Variants in NCAPD3 observed in about 807,000 individuals in gnomAD.
NCAPD3 encodes the protein condensin-2 complex subunit D3.
NCAPD3 carries 105 observed loss-of-function variants against 182.9 expected under a neutral mutation model. That is an observed-to-expected ratio of 0.57 (90% CI 0.49 to 0.68). NCAPD3 has a LOEUF of 0.68. Ranked by LOEUF, NCAPD3 falls within the 30% of genes least tolerant of loss-of-function variation. The pLI is 0.00. For missense variants in NCAPD3, 1,944 were observed against 1,837.0 expected (o/e 1.06, Z -1.07); for synonymous variants, 815 against 679.9 (o/e 1.20, Z -3.09).
intron 27 of NCAPD3, among the ~76,000 whole-genome samples, chr11:134,163,339 C>G (rs943179062): frequency 6.6e-6 from 1 of 152,124 alleles, no homozygotes; most frequent in Non-Finnish European, 1.5e-5. Context: ...AGCTTCCTGC[C>G]ACCCCTCACA....
rs769304769 is a variant in NCAPD3, at chr11:134,158,471, G to A, written c.3892C>T (p.Pro1298Ser). 21 of 1,613,962 alleles carry A rather than the reference G, an allele frequency of 1.3e-5. No individual in the cohort carries two copies. Among genetic ancestry groups the A allele is most frequent in the Non-Finnish European group, 1.8e-5 (21 of 1,180,004 alleles). The part of the protein sequence containing the change: ...AQVALCLETV[P>S]VPAGQENPAM... ...GGGTTTTCTTGGCCAGCAGGAACTG[G>A]CACTGTTTCTAAACACAGGGCAACC... is the stretch of plus-strand genomic sequence containing the variant. The change falls in exon 30 of 35, where the codon CCA (proline) becomes TCA (serine). Residue 1298 changes from proline (P) to serine (S), a missense_variant. This residue lies in a region of NCAPD3 where 1,803 missense variants were observed against 1,674.6 expected (regional missense o/e 1.08). Transcript: ENST00000534548.
chr11:134,158,130 T>A, intron 30 of NCAPD3, 63 bp from the exon 31 acceptor site: 2 of 1,576,472 alleles, frequency 1.3e-6, no homozygotes, highest in African/African-American at 1.3e-5. Flanking sequence ...GTGACAGTGC[T>A]GCACTGTGTC....
chr11:134,185,249 C>T, intron 17 of NCAPD3, 86 bp downstream of exon 17: 3 of 1,213,686 alleles, frequency 2.5e-6, no homozygotes, highest in Non-Finnish European at 3.4e-6. Flanking sequence ...ATATGAATAG[C>T]TATGAAAAAG....
At chr11:134,176,436 C>G in intron 23 of NCAPD3, 50 bp from the exon 24 acceptor site, 1 of 1,513,394 alleles carries the variant, frequency 6.6e-7, no homozygotes, top group Non-Finnish European at 9.2e-7. Context: ...CATGGGCAAG[C>G]CTCACTGTTC....
Position 134,182,406 on chromosome 11 carries a change from C to A in NCAPD3, c.2452-1222G>T, listed in dbSNP as rs1437984374. Among the ~76,000 whole-genome samples, 5 of 152,180 alleles carry A rather than the reference C, an allele frequency of 3.3e-5. No homozygotes were observed. In the East Asian group the frequency reaches 7.7e-4, roughly 23 times the overall value. ...GTTGTCTGGGAATACCAAATAAATC[C>A]AATTCTTTTATCTGAAAGTCCTTCA... On this transcript the variant is annotated intron_variant, in intron 19 of 34. Coordinates refer to ENST00000534548, the MANE Select transcript of NCAPD3 (RefSeq NM_015261.3).
chr11:134,184,978 T>C lies in NCAPD3; in HGVS notation c.2260A>G (p.Thr754Ala). 6.2e-7 allele frequency: 1 copy of C among 1,613,466 alleles called. No individual in the cohort carries two copies. The highest frequency in any genetic ancestry group is 8.5e-7 in the Non-Finnish European group (1 of 1,179,570). Residue 754 changes from threonine (T) to alanine (A), a missense_variant, in exon 18 of 35, where the codon ACC (threonine) becomes GCC (alanine). By Grantham distance (58) the Thr-to-Ala change is moderately conservative (BLOSUM62 0). Transcript: ENST00000534548. ...ATCACACAGAGAATATGTCCTAAGG[T>C]GTTTGAATTGGGATTCTGCTGACTA... ...ISSQQNPNSNTLGHILCVIGH... is the reference protein window; with the variant it reads ...ISSQQNPNSNALGHILCVIGH...
intron 2 of NCAPD3, among the ~76,000 whole-genome samples, chr11:134,217,773 A>G (rs1268984659): frequency 6.6e-6 from 1 of 152,162 alleles, no homozygotes; most frequent in Non-Finnish European, 1.5e-5. Context: ...TGAGCAGAGC[A>G]CTCTCCTTTC....
intron 19 of NCAPD3, among the ~76,000 whole-genome samples, chr11:134,182,463 C>T (rs752989268): frequency 2.0e-5 from 3 of 152,214 alleles, no homozygotes; most frequent in Admixed American, 2.0e-4. Context: ...AGCCTACCGT[C>T]CCCAACCCTT....
At chr11:134,219,007 C>A (rs1204598533) in intron 2 of NCAPD3, among the ~76,000 whole-genome samples, 1 of 152,176 alleles carries the variant, frequency 6.6e-6, no homozygotes, top group Non-Finnish European at 1.5e-5. Context: ...TAGAACAAAA[C>A]CTCATACACA....
At chr11:134,195,904 A>G (rs1944617669) in intron 13 of NCAPD3, among the ~76,000 whole-genome samples, 1 of 152,216 alleles carries the variant, frequency 6.6e-6, no homozygotes, top group Admixed American at 6.5e-5. Flanking sequence ...TGAGGAAATC[A>G]GAGTGTGGAA....
At chr11:134,224,660 C>CT (rs2136041412), upstream of NCAPD3, 1 of 152,388 alleles carries the variant, frequency 6.6e-6, no homozygotes, top group South Asian at 2.1e-4. Flanking sequence ...CGCCCGCCCC[C>CT]TCCCCCGCCC....
chr11:134,180,048 G>C (rs1288249536), intron 20 of NCAPD3, among the ~76,000 whole-genome samples: 1 of 151,836 alleles, frequency 6.6e-6, no homozygotes, highest in African/African-American at 2.4e-5. Flanking sequence ...GGAGGGGTGG[G>C]GACAAGACTC....
intron 16 of NCAPD3, among the ~76,000 whole-genome samples, chr11:134,188,220 C>T (rs1470970736): frequency 6.6e-6 from 1 of 152,140 alleles, no homozygotes; most frequent in Non-Finnish European, 1.5e-5. Context: ...TGTAAAAACA[C>T]ACCAATCAGC....
At chr11:134,182,711 A>G (rs1003972087) in intron 19 of NCAPD3, among the ~76,000 whole-genome samples, 1 of 152,264 alleles carries the variant, frequency 6.6e-6, no homozygotes, top group Non-Finnish European at 1.5e-5. Flanking sequence ...CACAAAACAG[A>G]TAACAAAAAT....
chr11:134,165,179 C>G (rs1565523457), intron 27 of NCAPD3, among the ~76,000 whole-genome samples: 1 of 147,480 alleles, frequency 6.8e-6, no homozygotes, highest in Non-Finnish European at 1.5e-5. Flanking sequence ...AGGAGCTGCA[C>G]ACTTGTGAGA....
rs1172415548 is a variant in NCAPD3 at position 134,194,652 on chromosome 11, A to G, written c.1689+13T>C. 1 of 1,561,184 alleles carries G rather than the reference A, an allele frequency of 6.4e-7. No individual in the cohort carries two copies. Among genetic ancestry groups the G allele is most frequent in the Non-Finnish European group, 8.7e-7 (1 of 1,156,068 alleles). On this transcript the variant is annotated intron_variant, in intron 14 of 34. Transcript: ENST00000534548. ...AGTGCTTAAAAAAAAAAATGTGCAG[A>G]GAAAACTCCCACCTGCAGTGCAGAC...
chr11:134,189,820 C>T (rs1944487060), intron 16 of NCAPD3, among the ~76,000 whole-genome samples: 1 of 151,808 alleles, frequency 6.6e-6, no homozygotes, highest in Admixed American at 6.5e-5. Context: ...CCGTTAAATT[C>T]TATTTGACTC....
intron 24 of NCAPD3, 127 bp downstream of exon 24, chr11:134,176,180 T>C: frequency 1.4e-6 from 1 of 730,686 alleles, no homozygotes; most frequent in Non-Finnish European, 2.3e-6. Context: ...CTGCTAATTT[T>C]CCTGGCACCT....
rs1034229247 is a variant in NCAPD3, at chr11:134,160,196, C to G, written c.3685-122G>C. ...CACATCCTGCACGTGTACCCCTGAA[C>G]GCAAAATAAAAGTTAAGAAAGAAAA... On this transcript the variant is annotated intron_variant, in intron 28 of 34. Coordinates refer to ENST00000534548, the MANE Select transcript of NCAPD3 (RefSeq NM_015261.3). 9 of 964,638 alleles carry G rather than the reference C, an allele frequency of 9.3e-6. No individual in the cohort carries two copies. The South Asian group carries it at 1.1e-4, about 11-fold the overall frequency. The allele number at this position is 964,638 out of a possible 1,614,324, so 59.8% of individuals were successfully genotyped here. A position where few individuals can be genotyped will look rare whatever the true frequency, so the allele number is the denominator to read the frequency against.
Sources: gnomAD v4.1 joint callset for allele counts (sites outside exome capture counted in the v4.1 genomes callset) on GRCh38, gnomAD v4.1.1 for gene constraint, gnomAD v4.1.1 regional missense constraint, MANE v1.5 for transcripts, NCBI Gene and HGNC (gene_info 2026-07-23, HGNC 2026-07-21) for gene names.